Variants in CHM observed in about 807,000 individuals in gnomAD.
CHM encodes CHM Rab escort protein, also known as rab proteins geranylgeranyltransferase component A 1.
In CHM, 10 loss-of-function variants were observed where a neutral mutation model predicts 49.0. That is an observed-to-expected ratio of 0.20 (90% CI 0.13 to 0.35). CHM has a LOEUF of 0.35. Ranked by LOEUF, CHM falls within the 10% of genes least tolerant of loss-of-function variation. The pLI, the probability that CHM is intolerant of heterozygous loss-of-function variation, is 1.00. For synonymous variants in CHM, 184 were observed against 167.5 expected (o/e 1.10, Z -0.76); for missense variants, 455 against 478.4 (o/e 0.95, Z 0.46).
chrX:85,972,038 A>G (rs992506064), intron 4 of CHM, among the ~76,000 whole-genome samples: 1 of 110,821 alleles, frequency 9.0e-6, no homozygotes, highest in African/African-American at 3.3e-5. Flanking sequence ...CCACCAGAGC[A>G]GCTAGATACA....
chrX:86,013,276 A>T (rs1026958148), intron 2 of CHM, among the ~76,000 whole-genome samples: 21 of 111,389 alleles, frequency 1.9e-4, no homozygotes, highest in African/African-American at 5.9e-4. Context: ...ACTCGAGTAC[A>T]ATCTGCAACA....
chrX:85,866,319 T>C (rs1923692308), intron 14 of CHM, among the ~76,000 whole-genome samples: 1 of 112,577 alleles, frequency 8.9e-6, no homozygotes, highest in African/African-American at 3.2e-5. Context: ...GCCCCGAGCG[T>C]TGCCAGCTTC....
intron 2 of CHM, among the ~76,000 whole-genome samples, chrX:86,002,473 C>T (rs770441700): frequency 8.9e-6 from 1 of 112,164 alleles, no homozygotes. Context: ...GTCTGCAGCT[C>T]CCAGTGTGAT....
chrX:85,920,565 A>C (rs773292679), intron 8 of CHM, among the ~76,000 whole-genome samples: 30 of 112,461 alleles, frequency 2.7e-4, no homozygotes, highest in Admixed American at 2.3e-3. Context: ...CAACAACAAC[A>C]ACCATACAAA....
At chrX:86,019,048 AAC>A (rs1933427247) in intron 2 of CHM, among the ~76,000 whole-genome samples, 1 of 111,861 alleles carries the variant, frequency 8.9e-6, no homozygotes, top group South Asian at 3.8e-4. Context: ...TATAAAAGGT[AAC>A]AGTAGCTGCT....
At chrX:85,958,318 T>C (rs1930109288) in intron 6 of CHM, among the ~76,000 whole-genome samples, 2 of 71,726 alleles carry the variant, frequency 2.8e-5, no homozygotes, top group Admixed American at 1.3e-4. Context: ...TTAATCTGCC[T>C]TTGTGAGTTG....
At chrX:85,923,939 T>A (rs911338763) in intron 8 of CHM, among the ~76,000 whole-genome samples, 3 of 111,092 alleles carry the variant, frequency 2.7e-5, no homozygotes, top group Non-Finnish European at 5.7e-5. Context: ...TAGCTCAGTG[T>A]ATTTGAAGAA....
intron 1 of CHM, among the ~76,000 whole-genome samples, chrX:86,040,285 C>T (rs2147809212): frequency 8.9e-6 from 1 of 112,348 alleles, no homozygotes; most frequent in African/African-American, 3.2e-5. Flanking sequence ...CCCAAAAGCA[C>T]TCGCCCCGGC....
At chrX:85,935,999 A>T (rs751267719) in intron 8 of CHM, among the ~76,000 whole-genome samples, 1 of 112,152 alleles carries the variant, frequency 8.9e-6, no homozygotes, top group African/African-American at 3.2e-5. Context: ...TTAAAAAGTC[A>T]ATTTACTAAG....
At chrX:85,951,519 T>C (rs1466203163) in intron 8 of CHM, among the ~76,000 whole-genome samples, 8 of 111,321 alleles carry the variant, frequency 7.2e-5, no homozygotes, top group Non-Finnish European at 1.3e-4. Context: ...CCTTTATGTA[T>C]CATAAAAACC....
At chrX:86,012,138 T>C (rs1212109377) in intron 2 of CHM, among the ~76,000 whole-genome samples, 2 of 110,908 alleles carry the variant, frequency 1.8e-5, no homozygotes, top group African/African-American at 3.3e-5. Context: ...GGCAGAAACA[T>C]AGGGATCCTC....
rs1410872649 is a variant in CHM, at chrX:85,862,759, T to C, written c.*1871A>G. On this transcript the variant is annotated 3_prime_UTR_variant, in exon 15 of 15. Coordinates refer to ENST00000357749, the MANE Select transcript of CHM (RefSeq NM_000390.4). ...GGGTAGAAAGGTGAGGCAAGAGCTA[T>C]ATTCCTTGGTTCTTTCCATTTCCCA... The C allele has an allele frequency of 9.0e-6, 1 of 111,254 alleles. No homozygotes were observed. The highest frequency in any genetic ancestry group is 1.9e-5 in the Non-Finnish European group (1 of 53,071). 9.2% of individuals were successfully genotyped at this position (111,254 alleles called of 1,213,427 possible).
rs745312273 is a variant in CHM at position 85,980,802 on chromosome X, C to T, written c.189+935G>A. Among the ~76,000 whole-genome samples the T allele has an allele frequency of 4.5e-5, 5 of 110,721 alleles. No homozygotes were observed. The East Asian group carries it at 1.1e-3, about 25-fold the overall frequency. On this transcript the variant is annotated intron_variant, in intron 3 of 14. Coordinates refer to ENST00000357749, the MANE Select transcript of CHM (RefSeq NM_000390.4). Reference sequence around the variant, plus strand: ...AACTGACTCTCCATATTATGCTATACGTGATCCCTAAACAGTTTCTTTATA... The same window carrying T: ...AACTGACTCTCCATATTATGCTATATGTGATCCCTAAACAGTTTCTTTATA...
intron 12 of CHM, among the ~76,000 whole-genome samples, chrX:85,893,688 A>T: frequency 9.0e-6 from 1 of 111,165 alleles, no homozygotes; most frequent in Non-Finnish European, 1.9e-5. Context: ...TGCCTGTATG[A>T]GGACACACAG....
intron 2 of CHM, among the ~76,000 whole-genome samples, chrX:86,008,973 TAA>T (rs971042923): frequency 9.8e-5 from 11 of 112,263 alleles, no homozygotes; most frequent in Non-Finnish European, 1.9e-5. Context: ...GAAAAATCTT[TAA>T]AAATTGAAAA....
intron 2 of CHM, among the ~76,000 whole-genome samples, chrX:85,994,713 C>A (rs1341419439): frequency 9.0e-6 from 1 of 111,491 alleles, no homozygotes; most frequent in Non-Finnish European, 1.9e-5. Flanking sequence ...ACCACCCCCA[C>A]CCAATGGTTG....
intron 12 of CHM, among the ~76,000 whole-genome samples, chrX:85,892,860 G>A (rs1366606162): frequency 5.4e-5 from 6 of 111,191 alleles, no homozygotes; most frequent in Non-Finnish European, 1.1e-4. Flanking sequence ...TAGTTTTTTT[G>A]CTTCTCAGAA....
chrX:85,900,736 T>A, intron 10 of CHM, 27 bp from the exon 11 acceptor site: 2 of 1,058,989 alleles, frequency 1.9e-6, no homozygotes, highest in Non-Finnish European at 2.6e-6. Context: ...AGTGAAGCAG[T>A]AATTCTGATT....
At chrX:86,011,488 CTGTAAACT>C (rs1280793955) in intron 2 of CHM, among the ~76,000 whole-genome samples, 2 of 111,398 alleles carry the variant, frequency 1.8e-5, no homozygotes, top group Non-Finnish European at 3.8e-5. Flanking sequence ...GCATATATAA[CTGTAAACT>C]TGGAGCACAA....
Sources: allele counts gnomAD v4.1 joint callset (sites outside exome capture counted in the v4.1 genomes callset), GRCh38; gene constraint gnomAD v4.1.1; transcripts MANE v1.5; gene names NCBI Gene and HGNC (gene_info 2026-07-23, HGNC 2026-07-21).